The following PIKFYVE variants were observed in gnomAD, a reference collection of about 807,000 sequenced individuals.
PIKFYVE encodes the protein 1-phosphatidylinositol 3-phosphate 5-kinase.
A neutral mutation model predicts 257.9 loss-of-function variants in PIKFYVE; 122 were observed. The observed-to-expected ratio is 0.47, with a 90% CI of 0.41 to 0.55. PIKFYVE has a LOEUF of 0.55. Ranked by LOEUF, PIKFYVE falls within the 20% of genes least tolerant of loss-of-function variation. PIKFYVE has a pLI of 0.00. For synonymous variants in PIKFYVE, 892 were observed against 868.9 expected, an observed-to-expected ratio of 1.03 and a Z score of -0.47; for missense variants, 2,160 against 2,536.6, an observed-to-expected ratio of 0.85 and a Z score of 3.19.
chr2:208,275,682 C>G (rs1018288468), intron 3 of PIKFYVE, among the ~76,000 whole-genome samples: 6 of 152,268 alleles, frequency 3.9e-5, no homozygotes, highest in African/African-American at 1.4e-4. Context: ...CCTCTCATTT[C>G]TTTGTAATTC....
In PIKFYVE at chr2:208,304,827, C is replaced by T. The variant is rs1283096337; in HGVS notation, c.1469-19C>T. Reference sequence around the variant, plus strand: ...CCCCTCCTCTCCCTATATTTCTTTCCCCTTCCCAACACTAAAAGATTCTGC... The same window carrying T: ...CCCCTCCTCTCCCTATATTTCTTTCTCCTTCCCAACACTAAAAGATTCTGC... On this transcript the variant is annotated intron_variant, in intron 11 of 41. Coordinates refer to ENST00000264380, the MANE Select transcript of PIKFYVE (RefSeq NM_015040.4). The T allele has an allele frequency of 6.2e-7, 1 of 1,609,996 alleles. No individual in the cohort carries two copies. The highest frequency in any genetic ancestry group is 8.5e-7 in the Non-Finnish European group (1 of 1,176,344).
intron 29 of PIKFYVE, 78 bp from the exon 30 acceptor site, chr2:208,339,340 A>G: frequency 2.0e-6 from 3 of 1,526,924 alleles, no homozygotes; most frequent in East Asian, 2.3e-5. Flanking sequence ...AGGCATATGA[A>G]TGAGCATTTA....
In PIKFYVE at chr2:208,321,904, A is replaced by G. The variant is rs116428442; in HGVS notation, c.2190+1545A>G. 2.6e-3 allele frequency among the ~76,000 whole-genome samples: 402 copies of G among 152,236 alleles called. 1 individual carries two copies. Among genetic ancestry groups the G allele is most frequent in the African/African-American group, 8.8e-3 (364 of 41,532 alleles). On this transcript the variant is annotated intron_variant, in intron 17 of 41. Coordinates refer to ENST00000264380, the MANE Select transcript of PIKFYVE (RefSeq NM_015040.4). ...TTTGAAATTAAGCCTTTGTGATAAAATTCTATTAGCATTATGTTTGAGATC... is the reference window on the plus strand; with the variant it reads ...TTTGAAATTAAGCCTTTGTGATAAAGTTCTATTAGCATTATGTTTGAGATC...
At position 208,348,012 on chromosome 2, in the gene PIKFYVE, T is replaced by C. The variant is rs2125785509; in HGVS notation, c.5363T>C (p.Val1788Ala). The C allele has an allele frequency of 6.2e-7, 1 of 1,614,124 alleles. No homozygotes were observed. The highest frequency in any genetic ancestry group is 2.2e-5 in the East Asian group (1 of 44,884). The change falls in exon 35 of 42, where the codon GTT becomes GCT. Residue 1788 changes from valine (V) to alanine (A), a missense_variant. Physicochemically the swap from Val to Ala is moderately conservative, Grantham distance 64 (BLOSUM62 0). Transcript: ENST00000264380. ...AAGGAGGGGACCGAGAATCAAGGCGTTGAGCCTCAAGGTGTGTTAAAGAAG... is the reference window on the plus strand; with the variant it reads ...AAGGAGGGGACCGAGAATCAAGGCGCTGAGCCTCAAGGTGTGTTAAAGAAG... The part of the protein sequence containing the change: ...TGKEGTENQG[V>A]EPQDEVDGGD...
intron 1 of PIKFYVE, among the ~76,000 whole-genome samples, chr2:208,271,085 T>G (rs1689367764): frequency 6.6e-6 from 1 of 151,676 alleles, no homozygotes; most frequent in Non-Finnish European, 1.5e-5. Context: ...CTGAAGAATT[T>G]ATGTGTGTGT....
intron 10 of PIKFYVE, among the ~76,000 whole-genome samples, chr2:208,303,225 T>C (rs1693920347): frequency 6.6e-6 from 1 of 151,818 alleles, no homozygotes; most frequent in South Asian, 2.1e-4. Flanking sequence ...ATACAATATA[T>C]AGGTTATATA....
At chr2:208,320,877 A>T (rs1452473208) in intron 17 of PIKFYVE, among the ~76,000 whole-genome samples, 1 of 152,214 alleles carries the variant, frequency 6.6e-6, no homozygotes, top group African/African-American at 2.4e-5. Flanking sequence ...AAACCCTTCC[A>T]GCTCTATTTT....
chr2:208,272,635 G>A (rs1484998642), intron 2 of PIKFYVE, among the ~76,000 whole-genome samples: 1 of 152,096 alleles, frequency 6.6e-6, no homozygotes, highest in Non-Finnish European at 1.5e-5. Context: ...ATTACTTGAA[G>A]TATGTTAGAA....
Position 208,329,925 on chromosome 2 carries a change from T to C in PIKFYVE, c.3791+12T>C. The C allele has an allele frequency of 6.2e-7, 1 of 1,609,676 alleles. No individual in the cohort carries two copies. Among genetic ancestry groups the C allele is most frequent in the Non-Finnish European group, 8.5e-7 (1 of 1,177,206 alleles). The stretch of plus-strand genomic sequence containing the variant: ...AGATACTGTTTCAGGTAAGAACATA[T>C]TTCTTCCTTCTGTTCCATTACACAT... On this transcript the variant is annotated intron_variant, in intron 22 of 41. Transcript: ENST00000264380.
chr2:208,276,189 T>A (rs935774975), intron 3 of PIKFYVE, among the ~76,000 whole-genome samples: 4 of 152,206 alleles, frequency 2.6e-5, no homozygotes, highest in Admixed American at 1.3e-4. Context: ...TGTCAGAATC[T>A]TTGAAGGCTG....
At chr2:208,279,396 T>C (rs1281384747) in intron 5 of PIKFYVE, among the ~76,000 whole-genome samples, 1 of 152,230 alleles carries the variant, frequency 6.6e-6, no homozygotes, top group African/African-American at 2.4e-5. Flanking sequence ...AGAAGCACTT[T>C]AGTTTAATTA....
At chr2:208,281,500 T>G (rs1426844612) in intron 5 of PIKFYVE, among the ~76,000 whole-genome samples, 3 of 152,242 alleles carry the variant, frequency 2.0e-5, no homozygotes, top group Admixed American at 6.5e-5. Context: ...TTCTGGAGTG[T>G]AGTGCACCTT....
At chr2:208,329,578 A>G (rs1471822686) in intron 21 of PIKFYVE, among the ~76,000 whole-genome samples, 1 of 152,230 alleles carries the variant, frequency 6.6e-6, no homozygotes, top group South Asian at 2.1e-4. Flanking sequence ...AACTCAGATC[A>G]GTTTTACTAA....
chr2:208,330,328 A>C (rs1269235842), intron 22 of PIKFYVE, among the ~76,000 whole-genome samples, 195 bp from the exon 23 acceptor site: 1 of 152,210 alleles, frequency 6.6e-6, no homozygotes, highest in African/African-American at 2.4e-5. Context: ...AAATGTTTTA[A>C]AATTGTTTGG....
chr2:208,330,470 T>C (rs1043115845), intron 22 of PIKFYVE, 53 bp from the exon 23 acceptor site: 10 of 1,605,722 alleles, frequency 6.2e-6, no homozygotes, highest in Non-Finnish European at 8.5e-6. Context: ...TTGACAGTGG[T>C]TCTGATTTCT....
Position 208,357,652 on chromosome 2 carries a change from A to G in PIKFYVE, c.*2347A>G, listed in dbSNP as rs1269446258. 2.0e-5 allele frequency: 3 copies of G among 152,220 alleles called. No individual in the cohort carries two copies. The highest frequency in any genetic ancestry group is 2.1e-4 in the South Asian group (1 of 4,828). The allele number at this position is 152,220 out of a possible 1,614,324, so 9.4% of individuals were successfully genotyped here. On this transcript the variant is annotated 3_prime_UTR_variant, in exon 42 of 42. Coordinates refer to ENST00000264380, the MANE Select transcript of PIKFYVE (RefSeq NM_015040.4). ...AAGGGGAAATATACAATTTATTTCT[A>G]TTGAGTGGTAGAACTATATGTCTGG... is the stretch of plus-strand genomic sequence containing the variant.
chr2:208,347,959 T>C lies in PIKFYVE; in HGVS notation c.5310T>C (p.Ser1770=), dbSNP rs767494685. Residue 1770 remains serine (S), a synonymous_variant, in exon 35 of 42, where the codon AGT becomes AGC. Coordinates refer to ENST00000264380, the MANE Select transcript of PIKFYVE (RefSeq NM_015040.4). ...GAGAGACCTTACGTGGAGCAGATAGTGCTTACTACCAGGTTGGGCAGACGG... is the reference window on the plus strand; with the variant it reads ...GAGAGACCTTACGTGGAGCAGATAGCGCTTACTACCAGGTTGGGCAGACGG... ...QKRETLRGAD[S]AYYQVGQTGK... 6.2e-6 allele frequency: 10 copies of C among 1,613,992 alleles called. No individual in the cohort carries two copies. The African/African-American group carries it at 1.1e-4, about 17-fold the overall frequency.
intron 17 of PIKFYVE, among the ~76,000 whole-genome samples, chr2:208,321,162 T>A (rs907934213): frequency 2.0e-5 from 3 of 152,196 alleles, no homozygotes; most frequent in African/African-American, 7.2e-5. Context: ...CTGCTCCAAC[T>A]CCTTTTCTCC....
chr2:208,289,371 A>T (rs1257858550), intron 7 of PIKFYVE, among the ~76,000 whole-genome samples: 1 of 151,966 alleles, frequency 6.6e-6, no homozygotes, highest in Non-Finnish European at 1.5e-5. Flanking sequence ...TTTCATTAAG[A>T]TTTACTAATT....
Sources: allele counts gnomAD v4.1 joint callset (sites outside exome capture counted in the v4.1 genomes callset), GRCh38; gene constraint gnomAD v4.1.1; transcripts MANE v1.5; gene names NCBI Gene and HGNC (gene_info 2026-07-23, HGNC 2026-07-21).